Variants in TAF4 observed in about 807,000 individuals in gnomAD.
TAF4 encodes transcription initiation factor TFIID subunit 4.
TAF4 carries 9 observed loss-of-function variants against 90.3 expected under a neutral mutation model. The observed-to-expected ratio is 0.10, with a 90% CI of 0.06 to 0.17. The LOEUF (loss-of-function observed/expected upper bound fraction) is 0.17, where lower values mean the gene tolerates loss of function less well. TAF4 is among the 10% of genes least tolerant of loss of function. TAF4 has a pLI of 1.00. For synonymous variants in TAF4, 818 were observed against 638.9 expected (o/e 1.28, Z -4.23); for missense variants, 1,351 against 1,370.7 (o/e 0.99, Z 0.23).
chr20:62,057,221 G>A (rs139619197), intron 1 of TAF4, among the ~76,000 whole-genome samples: 298 of 152,300 alleles, frequency 2.0e-3, no homozygotes, highest in African/African-American at 6.8e-3. Context: ...TGGACCAGCT[G>A]ACCCACAAAG....
At chr20:61,979,916 G>A (rs1339434326) in intron 14 of TAF4, among the ~76,000 whole-genome samples, 1 of 152,254 alleles carries the variant, frequency 6.6e-6, no homozygotes, top group Non-Finnish European at 1.5e-5. Flanking sequence ...GCATGTGCAG[G>A]CGCAATGGCG....
chr20:61,984,113 C>T (rs757132257), intron 14 of TAF4, among the ~76,000 whole-genome samples: 6 of 152,198 alleles, frequency 3.9e-5, no homozygotes, highest in Non-Finnish European at 8.8e-5. Flanking sequence ...GTGGACAAAA[C>T]TAAGCCAGCA....
chr20:62,065,114 C>T lies in TAF4; in HGVS notation c.697G>A (p.Ala233Thr), dbSNP rs2056119260. 5 of 1,118,360 alleles carry T rather than the reference C, an allele frequency of 4.5e-6. No homozygotes were observed. The South Asian group carries it at 5.3e-5, about 12-fold the overall frequency. The allele number at this position is 1,118,360 out of a possible 1,614,324, so 69.3% of individuals were successfully genotyped here. A position where few individuals can be genotyped will look rare whatever the true frequency, so the allele number is the denominator to read the frequency against. Residue 233 changes from alanine to threonine, a missense_variant, in exon 1 of 15, where the codon GCC (alanine) becomes ACC (threonine). Coordinates refer to ENST00000252996, the MANE Select transcript of TAF4 (RefSeq NM_003185.4). ...GGCGTCTGGATGACAGTGCCGGGGG[C>T]GGCGGGCTTGGGCAGCGGCAGCAGC... is the stretch of plus-strand genomic sequence containing the variant. Reference protein sequence around the residue: ...AALLPLPKPAAPGTVIQTPPF... With the variant: ...AALLPLPKPATPGTVIQTPPF...
chr20:62,033,737 CAA>C (rs760557566), intron 1 of TAF4, among the ~76,000 whole-genome samples: 20 of 64,560 alleles, frequency 3.1e-4, no homozygotes, highest in Admixed American at 5.2e-4. Flanking sequence ...GACTCCGTCT[CAA>C]AAAAAAAAAA....
At chr20:61,981,949 A>G (rs1301900316) in intron 14 of TAF4, among the ~76,000 whole-genome samples, 2 of 138,454 alleles carry the variant, frequency 1.4e-5, no homozygotes, top group Admixed American at 7.3e-5. Context: ...CACAACCCAC[A>G]CCCACCGGAG....
At chr20:62,025,669 C>A (rs1458015114) in intron 1 of TAF4, among the ~76,000 whole-genome samples, 1 of 152,366 alleles carries the variant, frequency 6.6e-6, no homozygotes, top group South Asian at 2.1e-4. Context: ...ATGATTGTCC[C>A]CAGTCATGTG....
chr20:62,022,013 G>A (rs1261135442), intron 1 of TAF4, among the ~76,000 whole-genome samples: 6 of 152,106 alleles, frequency 3.9e-5, no homozygotes, highest in Admixed American at 2.6e-4. Context: ...ATCAGAGGCG[G>A]AGCGGGCCCT....
intron 1 of TAF4, among the ~76,000 whole-genome samples, chr20:62,052,469 G>A (rs1194524406): frequency 2.6e-5 from 4 of 151,964 alleles, no homozygotes; most frequent in African/African-American, 9.7e-5. Flanking sequence ...CCAGTCAGCT[G>A]AGATCGACAA....
chr20:62,012,482 C>T (rs867748510), intron 3 of TAF4: 36 of 192,514 alleles, frequency 1.9e-4, no homozygotes, highest in South Asian at 3.0e-4. Context: ...CTGTCCTCAC[C>T]GCAGGCTGCT....
Position 62,006,384 on chromosome 20 carries a change from T to C in TAF4, c.2223+126A>G, listed in dbSNP as rs1445071749. ...TAACTATTTAAGGTAATACCCAAGC[T>C]TCCTCTAGCAGGAGGCTTCCTGCAT... On this transcript the variant is annotated intron_variant, in intron 7 of 14. Coordinates refer to ENST00000252996, the MANE Select transcript of TAF4 (RefSeq NM_003185.4). This position sits in a 1 kb window ranked among gnomAD's most constrained non-coding sequence, Gnocchi z 7.0. 4 of 1,217,742 alleles carry C rather than the reference T, an allele frequency of 3.3e-6. No homozygotes were observed. The highest frequency in any genetic ancestry group is 3.1e-5 in the African/African-American group (2 of 63,746). The allele number at this position is 1,217,742 out of a possible 1,614,324, so 75.4% of individuals were successfully genotyped here.
At position 62,002,204 on chromosome 20, in the gene TAF4, C is replaced by A. The variant is rs574294953; in HGVS notation, c.2486+956G>T. Reference sequence around the variant, plus strand: ...TCCCTTCTCACTGAAGTATCAGCGTCACGCTGGGCCCAGGCATGCTGGCCA... The same window carrying A: ...TCCCTTCTCACTGAAGTATCAGCGTAACGCTGGGCCCAGGCATGCTGGCCA... On this transcript the variant is annotated intron_variant, in intron 9 of 14. Transcript: ENST00000252996. Among the ~76,000 whole-genome samples, 243 of 152,338 alleles carry A rather than the reference C, an allele frequency of 1.6e-3. 1 individual carries two copies. Among genetic ancestry groups the A allele is most frequent in the Non-Finnish European group, 1.6e-3 (110 of 68,038 alleles).
intron 1 of TAF4, among the ~76,000 whole-genome samples, chr20:62,029,544 G>C (rs2145491912): frequency 6.6e-6 from 1 of 152,230 alleles, no homozygotes; most frequent in South Asian, 2.1e-4. Flanking sequence ...CCTGTACTTG[G>C]GGCTGCCGTG....
At chr20:62,052,325 A>G (rs377691222) in intron 1 of TAF4, among the ~76,000 whole-genome samples, 42 of 149,192 alleles carry the variant, frequency 2.8e-4, no homozygotes, top group African/African-American at 7.7e-4. Context: ...GCATGGCTCC[A>G]AGATCTCTCC....
At chr20:61,976,442 C>A in intron 14 of TAF4, 107 bp from the exon 15 acceptor site, 1 of 1,322,592 alleles carries the variant, frequency 7.6e-7, no homozygotes. Flanking sequence ...GAGGCCAGGC[C>A]TGGCACGGGC....
At chr20:61,980,721 C>T (rs1208926644) in intron 14 of TAF4, 2 of 152,312 alleles carry the variant, frequency 1.3e-5, no homozygotes, top group Non-Finnish European at 2.9e-5. Context: ...AAGCAAGGAA[C>T]GCAGGTTTAC....
chr20:62,020,158 G>A (rs377707044), intron 1 of TAF4, among the ~76,000 whole-genome samples: 4 of 152,192 alleles, frequency 2.6e-5, no homozygotes, highest in Non-Finnish European at 5.9e-5. Context: ...AAGTCACTCC[G>A]GAGCATGGCA....
intron 1 of TAF4, among the ~76,000 whole-genome samples, chr20:62,049,758 G>C (rs1446062619): frequency 6.6e-6 from 1 of 152,094 alleles, no homozygotes; most frequent in Admixed American, 6.5e-5. Flanking sequence ...AGGTTCCAGA[G>C]CCCGGGTTTC....
At chr20:62,020,582 G>A (rs189984000) in intron 1 of TAF4, among the ~76,000 whole-genome samples, 35 of 152,260 alleles carry the variant, frequency 2.3e-4, no homozygotes, top group African/African-American at 3.6e-4. Context: ...CCATCTCACC[G>A]TCATGTCGCA....
Position 62,064,743 on chromosome 20 carries a change from C to A in TAF4, c.1068G>T (p.Pro356=), listed in dbSNP as rs747450001. 2 of 1,168,434 alleles carry A rather than the reference C, an allele frequency of 1.7e-6. No homozygotes were observed. Among genetic ancestry groups the A allele is most frequent in the Non-Finnish European group, 2.1e-6 (2 of 952,660 alleles). 72.4% of individuals were successfully genotyped at this position (1,168,434 alleles called of 1,614,324 possible). A position where few individuals can be genotyped will look rare whatever the true frequency, so the allele number is the denominator to read the frequency against. The change falls in exon 1 of 15, where the codon CCG becomes CCT. Residue 356 remains proline (P), a synonymous_variant. Coordinates refer to ENST00000252996, the MANE Select transcript of TAF4 (RefSeq NM_003185.4). The part of the protein sequence containing the change: ...SPKRVVQAAP[P]AAQTLAASGP... ...CGCTGGCCGCCAGGGTCTGCGCCGC[C>A]GGGGGCGCCGCCTGCACCACCCTCT...
Sources: allele counts gnomAD v4.1 joint callset (sites outside exome capture counted in the v4.1 genomes callset), GRCh38; gene constraint gnomAD v4.1.1; non-coding constraint Gnocchi (gnomAD v3.1); transcripts MANE v1.5; gene names NCBI Gene and HGNC (gene_info 2026-07-23, HGNC 2026-07-21).